The following RANBP2 variants were observed in gnomAD, a reference collection of about 807,000 sequenced individuals.
RANBP2 encodes RAN binding protein 2.
In RANBP2, 57 loss-of-function variants were observed where a neutral mutation model predicts 303.6. That is an observed-to-expected ratio of 0.19 (90% CI 0.15 to 0.23). RANBP2 has a LOEUF of 0.23. Among genes scored for constraint, RANBP2 ranks in the 10% least tolerant of loss-of-function variants. The pLI is 1.00. For missense variants in RANBP2, 3,138 were observed against 3,780.8 expected, an observed-to-expected ratio of 0.83 and a Z score of 4.46; for synonymous variants, 1,167 against 1,301.5, an observed-to-expected ratio of 0.90 and a Z score of 2.23.
chr2:109,099,521 G>A, the RANBP2 span, among the ~76,000 whole-genome samples: 3 of 152,154 alleles, frequency 2.0e-5, no homozygotes, highest in Admixed American at 6.5e-5. Flanking sequence ...ACAGCAAGGC[G>A]TGCTGACCTC....
chr2:109,079,761 G>A, the RANBP2 span, among the ~76,000 whole-genome samples: 2 of 152,208 alleles, frequency 1.3e-5, no homozygotes, highest in African/African-American at 4.8e-5. Flanking sequence ...AGCCTGGGTT[G>A]GGGAGGCTCC....
chr2:109,600,666 T>G, the RANBP2 span, among the ~76,000 whole-genome samples: 1 of 152,120 alleles, frequency 6.6e-6, no homozygotes, highest in Non-Finnish European at 1.5e-5. Context: ...AGACACTAGC[T>G]GGGTGCCCTC....
chr2:108,930,165 C>T, the RANBP2 span: 4 of 1,613,958 alleles, frequency 2.5e-6, no homozygotes, highest in African/African-American at 1.3e-5. Context: ...ACTCCTGGCA[C>T]AGCCCCGTAG....
At chr2:109,438,086 C>T in the RANBP2 span, among the ~76,000 whole-genome samples, 13 of 152,186 alleles carry the variant, frequency 8.5e-5, no homozygotes, top group South Asian at 2.1e-4. Context: ...CTTAGACTAA[C>T]GAACACGATG....
the RANBP2 span, among the ~76,000 whole-genome samples, chr2:109,735,531 T>C: frequency 3.3e-5 from 5 of 152,244 alleles, no homozygotes; most frequent in Admixed American, 2.0e-4. Flanking sequence ...TTAGCCATTT[T>C]AATAGAAAAT....
the RANBP2 span, among the ~76,000 whole-genome samples, chr2:109,511,645 G>A: frequency 6.6e-6 from 1 of 152,228 alleles, no homozygotes; most frequent in Non-Finnish European, 1.5e-5. Flanking sequence ...GGGGTCAGGG[G>A]CAGGTTCTAG....
the RANBP2 span, chr2:108,815,878 G>A: frequency 7.4e-7 from 1 of 1,357,116 alleles, no homozygotes; most frequent in African/African-American, 1.5e-5. Context: ...CAAATTTAAG[G>A]TTTGTCTTTG....
chr2:109,361,640 AT>A, the RANBP2 span, among the ~76,000 whole-genome samples: 1 of 151,908 alleles, frequency 6.6e-6, no homozygotes, highest in Non-Finnish European at 1.5e-5. Flanking sequence ...TGCCCGGCTA[AT>A]TTTTTTGTAT....
chr2:109,674,033 C>G, the RANBP2 span, among the ~76,000 whole-genome samples: 1 of 152,074 alleles, frequency 6.6e-6, no homozygotes, highest in Non-Finnish European at 1.5e-5. Context: ...CTGTTCAAGT[C>G]TTTCACCCAA....
the RANBP2 span, among the ~76,000 whole-genome samples, chr2:109,670,519 T>G: frequency 6.6e-6 from 1 of 152,068 alleles, no homozygotes; most frequent in Non-Finnish European, 1.5e-5. Flanking sequence ...AAGGGCACTA[T>G]CAGGGACTGC....
the RANBP2 span, among the ~76,000 whole-genome samples, chr2:109,092,080 G>A: frequency 6.6e-6 from 1 of 152,098 alleles, no homozygotes; most frequent in Non-Finnish European, 1.5e-5. Flanking sequence ...CTTGGTTAGG[G>A]ATCTGATTTG....
At chr2:108,808,519 G>GT in the RANBP2 span, among the ~76,000 whole-genome samples, 1 of 152,030 alleles carries the variant, frequency 6.6e-6, no homozygotes, top group Admixed American at 6.6e-5. Flanking sequence ...CCTCACCAAC[G>GT]TTTATTACTT....
the RANBP2 span, among the ~76,000 whole-genome samples, chr2:109,466,487 C>T: frequency 6.6e-6 from 1 of 152,080 alleles, no homozygotes; most frequent in Non-Finnish European, 1.5e-5. Flanking sequence ...TTTAGATATA[C>T]CACAGTGGTC....
the RANBP2 span, among the ~76,000 whole-genome samples, chr2:108,797,173 A>G: frequency 2.6e-5 from 4 of 152,304 alleles, no homozygotes; most frequent in African/African-American, 7.2e-5. Flanking sequence ...GGTATAAGGA[A>G]TGAGAAGGAA....
the RANBP2 span, among the ~76,000 whole-genome samples, chr2:109,340,779 T>C: frequency 6.6e-6 from 1 of 152,214 alleles, no homozygotes; most frequent in African/African-American, 2.4e-5. Context: ...CTCTGCTTTA[T>C]GGGAAAACTA....
rs1573834178 is a variant in RANBP2, at chr2:108,772,814, A to G, written c.8114-54A>G. ...TTATGTTGATGACTACCATTGTTGT[A>G]GAGAAGTTGGGCTTCATCTAATTTC... On this transcript the variant is annotated intron_variant, in intron 22 of 28. Transcript: ENST00000283195. 10 of 1,565,686 alleles carry G rather than the reference A, an allele frequency of 6.4e-6. No homozygotes were observed. The East Asian group carries it at 6.8e-5, about 11-fold the overall frequency.
chr2:109,563,912 G>A, the RANBP2 span, among the ~76,000 whole-genome samples: 67 of 152,262 alleles, frequency 4.4e-4, no homozygotes, highest in African/African-American at 1.6e-3. Context: ...CTTGAGGCCA[G>A]GAGTTTGAGA....
chr2:109,734,054 C>G, the RANBP2 span, among the ~76,000 whole-genome samples: 2 of 151,840 alleles, frequency 1.3e-5, no homozygotes, highest in African/African-American at 4.8e-5. Context: ...TGTCGGGTGC[C>G]TGTAATCCCA....
the RANBP2 span, among the ~76,000 whole-genome samples, chr2:109,024,204 C>G: frequency 1.3e-5 from 2 of 152,320 alleles, 1 homozygote; most frequent in African/African-American, 4.8e-5. Flanking sequence ...GGATTACAGG[C>G]GTGAGCCACC....
Sources: allele counts gnomAD v4.1 joint callset (sites outside exome capture counted in the v4.1 genomes callset), GRCh38; gene constraint gnomAD v4.1.1; transcripts MANE v1.5; gene names NCBI Gene and HGNC (gene_info 2026-07-23, HGNC 2026-07-21).